The following OSBPL6 variants were observed in gnomAD, a reference collection of about 807,000 sequenced individuals.
OSBPL6 encodes oxysterol-binding protein-related protein 6.
In OSBPL6, 49 loss-of-function variants were observed where a neutral mutation model predicts 125.8. The observed-to-expected ratio is 0.39, with a 90% CI of 0.31 to 0.49. OSBPL6 has a LOEUF of 0.49. OSBPL6 is among the 20% of genes least tolerant of loss of function. OSBPL6 has a pLI of 0.88. For synonymous variants in OSBPL6, 394 were observed against 391.8 expected, an observed-to-expected ratio of 1.01 and a Z score of -0.07; for missense variants, 986 against 1,135.4, an observed-to-expected ratio of 0.87 and a Z score of 1.89.
intron 1 of OSBPL6, among the ~76,000 whole-genome samples, chr2:178,201,001 A>G (rs1382632336): frequency 6.6e-6 from 1 of 151,974 alleles, no homozygotes; most frequent in Non-Finnish European, 1.5e-5. Context: ...TCACCGTGTT[A>G]GCCAGGATGG....
intron 1 of OSBPL6, among the ~76,000 whole-genome samples, chr2:178,198,094 G>A (rs1013355655): frequency 7.9e-5 from 12 of 152,180 alleles, no homozygotes; most frequent in Admixed American, 4.6e-4. Context: ...TATACACTAA[G>A]TTTAGGGAAC....
intron 16 of OSBPL6, 22 bp downstream of exon 16, chr2:178,382,529 A>C: frequency 6.2e-7 from 1 of 1,613,944 alleles, no homozygotes; most frequent in Non-Finnish European, 8.5e-7. Flanking sequence ...TTGAGCTTCC[A>C]GGTTGTTCTA....
intron 8 of OSBPL6, 152 bp from the exon 9 acceptor site, chr2:178,336,149 C>T (rs1689664875): frequency 2.1e-6 from 2 of 965,456 alleles, no homozygotes; most frequent in Non-Finnish European, 3.0e-6. Context: ...CCTCACTGGG[C>T]ACAAACCACA....
Position 178,348,463 on chromosome 2 carries a change from T to C in OSBPL6, c.988-761T>C, listed in dbSNP as rs138983051. 1.1e-3 allele frequency among the ~76,000 whole-genome samples: 167 copies of C among 152,292 alleles called. 1 individual carries two copies. The highest frequency in any genetic ancestry group is 3.9e-3 in the African/African-American group (160 of 41,542). ...AAAGGGGAGGAAAAGGTGCTTTGCC[T>C]CCACCAATCAGGAACCTAGTCCATA... On this transcript the variant is annotated intron_variant, in intron 11 of 24. Transcript: ENST00000190611.
At chr2:178,392,375 T>G (rs1387953506) in intron 22 of OSBPL6, 37 bp from the exon 23 acceptor site, 3 of 1,610,650 alleles carry the variant, frequency 1.9e-6, no homozygotes, top group Non-Finnish European at 2.5e-6. Flanking sequence ...TCCATAAACC[T>G]TCTGCCTCTC....
intron 12 of OSBPL6, among the ~76,000 whole-genome samples, chr2:178,354,984 C>G (rs967895934): frequency 3.3e-5 from 5 of 152,208 alleles, no homozygotes; most frequent in African/African-American, 1.2e-4. Context: ...TTCTGAATGA[C>G]TACTGGGTAA....
intron 11 of OSBPL6, among the ~76,000 whole-genome samples, chr2:178,342,731 C>A (rs923231342): frequency 6.6e-6 from 1 of 152,030 alleles, no homozygotes; most frequent in African/African-American, 2.4e-5. Flanking sequence ...AAGAGGAAGG[C>A]AAGAAGGAAA....
chr2:178,302,025 C>T (rs75407339), intron 2 of OSBPL6, among the ~76,000 whole-genome samples: 2 of 152,162 alleles, frequency 1.3e-5, no homozygotes, highest in Non-Finnish European at 2.9e-5. Context: ...TAGCCCAGGG[C>T]AAGTGGTCCC....
In OSBPL6 at chr2:178,325,767, C is replaced by T. The variant is rs188291116; in HGVS notation, c.195+1498C>T. Reference sequence around the variant, plus strand: ...TACTGATAATTATGGCATAGTTTTCCGGCATGAAGGCCCCAGCTTGGTCAA... The same window carrying T: ...TACTGATAATTATGGCATAGTTTTCTGGCATGAAGGCCCCAGCTTGGTCAA... On this transcript the variant is annotated intron_variant, in intron 4 of 24. Coordinates refer to ENST00000190611, the MANE Select transcript of OSBPL6 (RefSeq NM_032523.4). 9.2e-5 allele frequency among the ~76,000 whole-genome samples: 14 copies of T among 152,276 alleles called. No individual in the cohort carries two copies. The East Asian group carries it at 1.7e-3, about 19-fold the overall frequency.
At chr2:178,288,984 CT>C (rs1010561108) in intron 2 of OSBPL6, among the ~76,000 whole-genome samples, 1 of 144,350 alleles carries the variant, frequency 6.9e-6, no homozygotes, top group African/African-American at 2.6e-5. Context: ...CTTTTTTCTT[CT>C]GTTGATTTTT....
chr2:178,200,303 G>A (rs2089178057), intron 1 of OSBPL6, among the ~76,000 whole-genome samples: 1 of 142,546 alleles, frequency 7.0e-6, no homozygotes, highest in African/African-American at 2.7e-5. Context: ...CCAGGCCCGA[G>A]TGCAGCGGTG....
At chr2:178,347,419 A>AT (rs1420752886) in intron 11 of OSBPL6, among the ~76,000 whole-genome samples, 2 of 151,502 alleles carry the variant, frequency 1.3e-5, no homozygotes, top group African/African-American at 4.9e-5. Context: ...AGATCTACCT[A>AT]TTTTTTCCAC....
chr2:178,227,484 C>G (rs1318830597), intron 1 of OSBPL6, among the ~76,000 whole-genome samples: 1 of 152,082 alleles, frequency 6.6e-6, no homozygotes, highest in Non-Finnish European at 1.5e-5. Context: ...ACATGTGCAT[C>G]AAGAAATACG....
At chr2:178,270,346 A>C (rs2092349908) in intron 1 of OSBPL6, among the ~76,000 whole-genome samples, 1 of 152,192 alleles carries the variant, frequency 6.6e-6, no homozygotes, top group African/African-American at 2.4e-5. Flanking sequence ...AGCTGCTTTA[A>C]TAATAATAAA....
intron 12 of OSBPL6, among the ~76,000 whole-genome samples, chr2:178,360,431 C>T (rs573125699): frequency 2.0e-5 from 3 of 152,092 alleles, no homozygotes; most frequent in Middle Eastern, 6.8e-3. Flanking sequence ...CCACAGTAAC[C>T]GTTTTATTAC....
intron 1 of OSBPL6, among the ~76,000 whole-genome samples, chr2:178,262,545 T>G (rs2092096918): frequency 6.6e-6 from 1 of 152,184 alleles, no homozygotes; most frequent in African/African-American, 2.4e-5. Flanking sequence ...TGTGTTTATT[T>G]AAGCTTAATA....
chr2:178,277,691 A>G (rs1477358782), intron 1 of OSBPL6, among the ~76,000 whole-genome samples: 1 of 152,166 alleles, frequency 6.6e-6, no homozygotes, highest in Admixed American at 6.5e-5. Flanking sequence ...TTTGTTTCTC[A>G]CTGATTATTT....
At chr2:178,379,430 G>A (rs1694256258) in intron 15 of OSBPL6, among the ~76,000 whole-genome samples, 2 of 149,080 alleles carry the variant, frequency 1.3e-5, no homozygotes, top group East Asian at 2.0e-4. Context: ...AGAAAAGAAA[G>A]AGAAAGAAGA....
At chr2:178,243,906 C>T (rs185793694) in intron 1 of OSBPL6, among the ~76,000 whole-genome samples, 234 of 152,346 alleles carry the variant, frequency 1.5e-3, no homozygotes, top group African/African-American at 5.5e-3. Context: ...CTGCCTCAGC[C>T]TCCCAAAGTG....
Sources: gnomAD v4.1 joint callset for allele counts (sites outside exome capture counted in the v4.1 genomes callset) on GRCh38, gnomAD v4.1.1 for gene constraint, MANE v1.5 for transcripts, NCBI Gene and HGNC (gene_info 2026-07-23, HGNC 2026-07-21) for gene names.